The following SPHKAP variants were observed in gnomAD, a reference collection of about 807,000 sequenced individuals.
SPHKAP encodes the protein SPHK1 interactor, AKAP domain containing, also known as A-kinase anchor protein SPHKAP.
In SPHKAP, 67 loss-of-function variants were observed where a neutral mutation model predicts 137.5. That is an observed-to-expected ratio of 0.49 (90% CI 0.40 to 0.60). The LOEUF (loss-of-function observed/expected upper bound fraction) is 0.60. Among genes scored for constraint, SPHKAP ranks in the 20% least tolerant of loss-of-function variants. The pLI is 0.00. For missense variants in SPHKAP, 2,097 were observed against 2,069.3 expected (o/e 1.01, Z -0.26); for synonymous variants, 813 against 785.3 (o/e 1.04, Z -0.59).
intron 3 of SPHKAP, 143 bp downstream of exon 3, chr2:228,108,689 A>G (rs1436107309): frequency 1.7e-5 from 10 of 593,426 alleles, no homozygotes; most frequent in South Asian, 6.7e-5. Flanking sequence ...TTAACTGTCC[A>G]TATAAACCCG....
chr2:228,101,830 A>C (rs1343813224), intron 3 of SPHKAP, among the ~76,000 whole-genome samples: 2 of 152,204 alleles, frequency 1.3e-5, no homozygotes, highest in Non-Finnish European at 2.9e-5. Context: ...GTCTGCATGC[A>C]ACTGTGGTCA....
chr2:228,089,577 A>AATGC (rs1191933049), intron 3 of SPHKAP, among the ~76,000 whole-genome samples: 2 of 152,184 alleles, frequency 1.3e-5, no homozygotes, highest in Non-Finnish European at 2.9e-5. Flanking sequence ...CCAAGGAAAA[A>AATGC]ATGCCTTGAA....
At chr2:227,999,619 T>TA (rs1363499174) in intron 7 of SPHKAP, among the ~76,000 whole-genome samples, 1 of 152,182 alleles carries the variant, frequency 6.6e-6, no homozygotes, top group African/African-American at 2.4e-5. Context: ...ACATCCTTAT[T>TA]AAAAAATGAG....
intron 1 of SPHKAP, among the ~76,000 whole-genome samples, chr2:228,147,501 A>C (rs1475609762): frequency 6.6e-6 from 1 of 152,230 alleles, no homozygotes; most frequent in African/African-American, 2.4e-5. Context: ...AGTTAATATA[A>C]ATATGTCAAA....
chr2:228,035,972 G>C (rs1449102786), intron 3 of SPHKAP, among the ~76,000 whole-genome samples: 1 of 150,140 alleles, frequency 6.7e-6, no homozygotes, highest in Non-Finnish European at 1.5e-5. Flanking sequence ...ATAGGCATGG[G>C]CAAGGACTTC....
chr2:228,034,406 G>C (rs1342001266), intron 3 of SPHKAP, among the ~76,000 whole-genome samples: 1 of 151,986 alleles, frequency 6.6e-6, no homozygotes, highest in Non-Finnish European at 1.5e-5. Flanking sequence ...CCAACCAAAA[G>C]AAGTCCAGGA....
rs562477599 is a variant in SPHKAP at position 228,085,448 on chromosome 2, C to T, written c.246+23384G>A. On this transcript the variant is annotated intron_variant, in intron 3 of 11. Transcript: ENST00000392056. ...AATGACATGATTATGTTGGAAAAAA[C>T]GAACAGCATCAATAGACAATTTGGT... Among the ~76,000 whole-genome samples, 4 of 152,228 alleles carry T rather than the reference C, an allele frequency of 2.6e-5. No individual in the cohort carries two copies. The East Asian group carries it at 5.8e-4, about 22-fold the overall frequency.
intron 1 of SPHKAP, among the ~76,000 whole-genome samples, chr2:228,146,591 T>C (rs1220402865): frequency 6.6e-6 from 1 of 152,208 alleles, no homozygotes; most frequent in East Asian, 1.9e-4. Context: ...TTAACACCAT[T>C]GGCTGTTGTT....
chr2:228,054,509 A>G (rs1422872009), intron 3 of SPHKAP, among the ~76,000 whole-genome samples: 1 of 152,156 alleles, frequency 6.6e-6, no homozygotes, highest in Non-Finnish European at 1.5e-5. Flanking sequence ...CAGACTTGCA[A>G]TCAGATAATT....
chr2:228,014,257 A>G (rs1449136983), intron 7 of SPHKAP, among the ~76,000 whole-genome samples: 2 of 152,222 alleles, frequency 1.3e-5, no homozygotes, highest in Non-Finnish European at 2.9e-5. Context: ...GTGTTAAAGA[A>G]GACTCCAAGT....
At chr2:228,024,959 A>G (rs1051160039) in intron 5 of SPHKAP, among the ~76,000 whole-genome samples, 4 of 152,180 alleles carry the variant, frequency 2.6e-5, no homozygotes, top group South Asian at 2.1e-4. Context: ...TGAAGCTGCC[A>G]TCCTGGATTT....
intron 3 of SPHKAP, among the ~76,000 whole-genome samples, chr2:228,044,602 A>G (rs1010807840): frequency 8.5e-5 from 13 of 152,238 alleles, no homozygotes; most frequent in African/African-American, 2.7e-4. Flanking sequence ...TGACCATTAA[A>G]TTCAAGCCTT....
chr2:228,018,176 C>A lies in SPHKAP; in HGVS notation c.2678G>T (p.Arg893Leu), dbSNP rs137871355. 1.2e-6 allele frequency: 2 copies of A among 1,614,122 alleles called. No homozygotes were observed. Among genetic ancestry groups the A allele is most frequent in the East Asian group, 4.5e-5 (2 of 44,868 alleles). ...CAGGTTGACTTGAACTTCGTTGATG[C>A]GAGATGTGGCACAGTTGTACTTTTC... Reference protein sequence around the residue: ...TQEKYNCATSRINEVQVNLSL... With the variant: ...TQEKYNCATSLINEVQVNLSL... The change falls in exon 7 of 12, where the codon CGC (arginine) becomes CTC (leucine). Residue 893 changes from arginine to leucine, a missense_variant. Physicochemically the swap from Arg to Leu is moderately radical, Grantham distance 102. Transcript: ENST00000392056.
intron 1 of SPHKAP, among the ~76,000 whole-genome samples, chr2:228,161,418 G>A (rs1340632271): frequency 6.6e-6 from 1 of 152,190 alleles, no homozygotes; most frequent in East Asian, 1.9e-4. Context: ...TCAGCCATCA[G>A]TGAAGAAAAA....
intron 3 of SPHKAP, among the ~76,000 whole-genome samples, chr2:228,063,142 C>CCCTATCTA (rs1361884995): frequency 1.1e-4 from 12 of 114,138 alleles, no homozygotes; most frequent in South Asian, 2.9e-4. Flanking sequence ...ATAGATAGAT[C>CCCTATCTA]CCTATCTATC....
chr2:228,166,218 G>A (rs1370868682), intron 1 of SPHKAP, among the ~76,000 whole-genome samples: 2 of 152,118 alleles, frequency 1.3e-5, no homozygotes, highest in East Asian at 3.9e-4. Context: ...ATACAATTTT[G>A]AAGGGAAAAT....
chr2:228,045,856 T>TA (rs1467426424), intron 3 of SPHKAP, among the ~76,000 whole-genome samples: 2 of 152,020 alleles, frequency 1.3e-5, no homozygotes, highest in African/African-American at 4.8e-5. Flanking sequence ...ACGTGAAATC[T>TA]AAAAAAGCCA....
rs371838438 is a variant in SPHKAP, at chr2:228,042,106, GCAAA to G, written c.247-14567_247-14564del. Among the ~76,000 whole-genome samples the G allele has an allele frequency of 4.1e-4, 62 of 152,280 alleles. 1 individual carries two copies. The highest frequency in any genetic ancestry group is 1.3e-3 in the African/African-American group (53 of 41,554). On this transcript the variant is annotated intron_variant, in intron 3 of 11. Transcript: ENST00000392056. ...GAACAACATAAAAACAAGCAATCGT[GCAAA>G]CAAACAAACAACCAATGGAGCATCA...
Position 228,018,720 on chromosome 2 carries a change from G to A in SPHKAP, c.2134C>T (p.Leu712=). 6.2e-7 allele frequency: 1 copy of A among 1,614,186 alleles called. No individual in the cohort carries two copies. Among genetic ancestry groups the A allele is most frequent in the South Asian group, 1.1e-5 (1 of 91,086 alleles). Residue 712 remains leucine, a synonymous_variant, in exon 7 of 12, where the codon CTG becomes TTG. Transcript: ENST00000392056. ...LDTLMESTNQ[L]LLDVICFTFK... The stretch of plus-strand genomic sequence containing the variant: ...GTGAAGCATATCACATCTAAAAGCA[G>A]TTGATTTGTACTTTCCATTAAGGTG...
Sources: gnomAD v4.1 joint callset for allele counts (sites outside exome capture counted in the v4.1 genomes callset) on GRCh38, gnomAD v4.1.1 for gene constraint, MANE v1.5 for transcripts, NCBI Gene and HGNC (gene_info 2026-07-23, HGNC 2026-07-21) for gene names.